The following SIDT1 variants were observed in gnomAD, a reference collection of about 807,000 sequenced individuals.
The protein encoded by SIDT1 is SID1 transmembrane family member 1, also known as SID1 transmembrane family, member 1.
SIDT1 carries 101 observed loss-of-function variants against 107.5 expected under a neutral mutation model. The observed-to-expected ratio is 0.94, with a 90% CI of 0.80 to 1.11. The LOEUF is 1.11. Ranked by LOEUF, SIDT1 falls within the 50% of genes least tolerant of loss-of-function variation. The pLI, the probability that SIDT1 is intolerant of heterozygous loss-of-function variation, is 0.00. For synonymous variants in SIDT1, 395 were observed against 398.2 expected, an observed-to-expected ratio of 0.99 and a Z score of 0.10; for missense variants, 1,076 against 1,058.2, an observed-to-expected ratio of 1.02 and a Z score of -0.23.
intron 1 of SIDT1, among the ~76,000 whole-genome samples, chr3:113,547,471 C>T (rs148524801): frequency 3.3e-4 from 50 of 152,116 alleles, no homozygotes; most frequent in African/African-American, 1.1e-3. Flanking sequence ...TTTGAATTCT[C>T]GTTCCCTCAT....
chr3:113,625,905 C>T (rs1308883721), intron 23 of SIDT1, 197 bp from the exon 24 acceptor site: 7 of 554,220 alleles, frequency 1.3e-5, no homozygotes, highest in East Asian at 3.0e-5. Flanking sequence ...GATGTAATCT[C>T]GCTTCTCTAT....
downstream of SIDT1, among the ~76,000 whole-genome samples, chr3:113,632,218 A>G (rs1227944668): frequency 6.6e-6 from 1 of 152,210 alleles, no homozygotes; most frequent in Admixed American, 6.5e-5. Flanking sequence ...GCAAGAGAAA[A>G]CTGATATACA....
At chr3:113,594,589 T>C in intron 10 of SIDT1, among the ~76,000 whole-genome samples, 1 of 152,190 alleles carries the variant, frequency 6.6e-6, no homozygotes, top group Admixed American at 6.5e-5. Flanking sequence ...GAAGGGTCTG[T>C]TGAACATTGA....
chr3:113,536,944 G>A (rs1325654548), intron 1 of SIDT1, among the ~76,000 whole-genome samples: 1 of 152,196 alleles, frequency 6.6e-6, no homozygotes, highest in South Asian at 2.1e-4. Context: ...CAGGCTAGAA[G>A]GAAACTAACT....
chr3:113,595,828 C>T (rs1020452993), intron 10 of SIDT1, among the ~76,000 whole-genome samples: 1 of 152,274 alleles, frequency 6.6e-6, no homozygotes, highest in Middle Eastern at 3.4e-3. Context: ...GTCATGACCA[C>T]TGGTGAGTCA....
intron 22 of SIDT1, 39 bp downstream of exon 22, chr3:113,623,571 G>T (rs375446361): frequency 3.1e-6 from 5 of 1,603,020 alleles, no homozygotes; most frequent in Non-Finnish European, 4.3e-6. Flanking sequence ...TCGGGCCCTC[G>T]GGCAGGCGAA....
chr3:113,545,114 TAAAAAAAAAAA>T (rs554009768), intron 1 of SIDT1, among the ~76,000 whole-genome samples: 10 of 73,968 alleles, frequency 1.4e-4, no homozygotes, highest in South Asian at 1.1e-3. Flanking sequence ...GAGACTCTGT[TAAAAAAAAAAA>T]AAAAAAAAAA....
At chr3:113,635,965 G>T in the SIDT1 span, among the ~76,000 whole-genome samples, 1 of 152,034 alleles carries the variant, frequency 6.6e-6, no homozygotes, top group Admixed American at 6.5e-5. Flanking sequence ...CTCATTTAGG[G>T]TATAATGATA....
Position 113,603,097 on chromosome 3 carries a change from G to T in SIDT1, c.1210G>T (p.Asp404Tyr). The T allele has an allele frequency of 6.2e-7, 1 of 1,614,078 alleles. No homozygotes were observed. The highest frequency in any genetic ancestry group is 1.3e-5 in the African/African-American group (1 of 75,038). ...SDTDSSVEES[D>Y]FDTMPDIESD... ...CACAGACAGCTCCGTGGAGGAGAGC[G>T]ACTTCGACACCATGCCAGACATTGA... is the stretch of plus-strand genomic sequence containing the variant. Residue 404 changes from aspartate (D) to tyrosine (Y), a missense_variant, in exon 12 of 25, where the codon GAC (aspartate) becomes TAC (tyrosine). Physicochemically the swap from Asp to Tyr is radical, Grantham distance 160. Coordinates refer to ENST00000264852, the MANE Select transcript of SIDT1 (RefSeq NM_017699.3).
intron 19 of SIDT1, among the ~76,000 whole-genome samples, chr3:113,614,077 A>G (rs1299838203): frequency 2.0e-5 from 3 of 152,224 alleles, no homozygotes. Flanking sequence ...CAGGGAAGAC[A>G]TGGTTCCCAA....
In SIDT1 at chr3:113,567,659, T is replaced by G. The variant is rs761133095; in HGVS notation, c.464T>G (p.Leu155Arg). 3.2e-5 allele frequency: 51 copies of G among 1,614,052 alleles called. No homozygotes were observed. Among genetic ancestry groups the G allele is most frequent in the Non-Finnish European group, 4.2e-5 (50 of 1,180,006 alleles). ...GTAGATGTCGCATCCATGGCACCCC[T>G]GGGTGCTCAGTACAAACTGCTAGTT... is the stretch of plus-strand genomic sequence containing the variant. ...IFVDVASMAP[L>R]GAQYKLLVTK... is the part of the protein sequence containing the mutation. The change falls in exon 3 of 25, where the codon CTG (leucine) becomes CGG (arginine). Residue 155 changes from leucine to arginine, a missense_variant. Coordinates refer to ENST00000264852, the MANE Select transcript of SIDT1 (RefSeq NM_017699.3).
chr3:113,609,398 G>A (rs368236325), intron 17 of SIDT1, among the ~76,000 whole-genome samples: 7 of 152,042 alleles, frequency 4.6e-5, no homozygotes, highest in South Asian at 2.1e-4. Flanking sequence ...TTCTCTAAGC[G>A]CTGGTTAGCT....
At chr3:113,625,583 G>A (rs559059109) in intron 23 of SIDT1, among the ~76,000 whole-genome samples, 38 of 152,034 alleles carry the variant, frequency 2.5e-4, no homozygotes, top group Non-Finnish European at 4.7e-4. Flanking sequence ...TTTTTGATAC[G>A]AGCCTTTTTA....
rs575213770 is a variant in SIDT1, at chr3:113,550,662, G to T, written c.223-15758G>T. On this transcript the variant is annotated intron_variant, in intron 1 of 24. Coordinates refer to ENST00000264852, the MANE Select transcript of SIDT1 (RefSeq NM_017699.3). ...TAAAAGAAACATGTAAAAATCCTTT[G>T]AACCATAGGAAAGAGGTAGCTATAT... Among the ~76,000 whole-genome samples the T allele has an allele frequency of 2.9e-4, 44 of 152,142 alleles. 1 individual carries two copies. Among genetic ancestry groups the T allele is most frequent in the African/African-American group, 1.0e-3 (43 of 41,504 alleles).
intron 14 of SIDT1, 89 bp from the exon 15 acceptor site, chr3:113,606,952 C>T: frequency 1.2e-6 from 1 of 814,734 alleles, no homozygotes; most frequent in Non-Finnish European, 2.2e-6. Context: ...CAGTGCATCT[C>T]CGTGAGCCCT....
intron 20 of SIDT1, among the ~76,000 whole-genome samples, chr3:113,618,572 G>A (rs1311275890): frequency 1.3e-5 from 2 of 152,126 alleles, no homozygotes; most frequent in East Asian, 1.9e-4. Flanking sequence ...CCACATCCTC[G>A]CCAGCATTTG....
intron 11 of SIDT1, chr3:113,601,896 T>A: frequency 2.2e-6 from 1 of 450,238 alleles, no homozygotes; most frequent in Admixed American, 4.1e-5. Flanking sequence ...CAGAATTCCT[T>A]CAATGTTTGC....
intron 24 of SIDT1, among the ~76,000 whole-genome samples, chr3:113,626,669 T>A (rs1946873241): frequency 1.3e-5 from 2 of 152,222 alleles, no homozygotes; most frequent in African/African-American, 2.4e-5. Context: ...CAGCCACGTG[T>A]CTGTTGCCTT....
At chr3:113,538,025 C>T (rs886511586) in intron 1 of SIDT1, among the ~76,000 whole-genome samples, 1 of 152,102 alleles carries the variant, frequency 6.6e-6, no homozygotes, top group African/African-American at 2.4e-5. Flanking sequence ...TCACGTGATC[C>T]ACCCACCTCA....
Sources: allele counts gnomAD v4.1 joint callset (sites outside exome capture counted in the v4.1 genomes callset), GRCh38; gene constraint gnomAD v4.1.1; transcripts MANE v1.5; gene names NCBI Gene and HGNC (gene_info 2026-07-23, HGNC 2026-07-21).